CHN1: variants seen among roughly 807,000 people sequenced by gnomAD.
The protein encoded by CHN1 is chimerin 1, also known as N-chimaerin.
In CHN1, 37 loss-of-function variants were observed where a neutral mutation model predicts 59.5. That is an observed-to-expected ratio of 0.62 (90% CI 0.48 to 0.82). The LOEUF is 0.82. CHN1 is among the 40% of genes least tolerant of loss of function. The pLI is 0.00. For synonymous variants in CHN1, 206 were observed against 200.4 expected (o/e 1.03, Z -0.24); for missense variants, 469 against 571.0 (o/e 0.82, Z 1.82).
intron 1 of CHN1, among the ~76,000 whole-genome samples, chr2:174,962,446 C>T (rs922160010): frequency 6.6e-6 from 1 of 152,114 alleles, no homozygotes; most frequent in Non-Finnish European, 1.5e-5. Flanking sequence ...TGATTGCCTT[C>T]AGCTGAAGGT....
At chr2:174,887,203 C>T (rs1013319393) in intron 5 of CHN1, among the ~76,000 whole-genome samples, 2 of 152,006 alleles carry the variant, frequency 1.3e-5, no homozygotes, top group Non-Finnish European at 2.9e-5. Flanking sequence ...AAGCAATAAA[C>T]CATATTTGTA....
At chr2:174,966,326 TACTC>T (rs980867327) in intron 1 of CHN1, among the ~76,000 whole-genome samples, 3 of 151,548 alleles carry the variant, frequency 2.0e-5, no homozygotes, top group African/African-American at 4.9e-5. Context: ...GAACCGTTAA[TACTC>T]AGGAAGAAAA....
At chr2:174,846,161 C>CAA in intron 7 of CHN1, 1 of 1,034,896 alleles carries the variant, frequency 9.7e-7, no homozygotes, top group Non-Finnish European at 1.3e-6. Flanking sequence ...AATTAGATTG[C>CAA]AAAGGACAGA....
intron 9 of CHN1, 129 bp from the exon 10 acceptor site, chr2:174,811,717 T>G: frequency 1.7e-6 from 1 of 574,208 alleles, no homozygotes; most frequent in Non-Finnish European, 3.1e-6. Flanking sequence ...CTTTTCACAC[T>G]CTTCTCCTAG....
intron 7 of CHN1, chr2:174,846,358 G>T (rs1470646311): frequency 4.5e-6 from 7 of 1,549,314 alleles, no homozygotes; most frequent in Middle Eastern, 3.3e-4. Flanking sequence ...AGCTGCTAGT[G>T]TCAGCAGCAT....
At chr2:174,961,437 C>G (rs568419261) in intron 1 of CHN1, among the ~76,000 whole-genome samples, 20 of 151,266 alleles carry the variant, frequency 1.3e-4, no homozygotes, top group Non-Finnish European at 2.5e-4. Context: ...ACTAAAAATA[C>G]AAAATTAGCC....
At chr2:174,955,263 A>C (rs1203426056) in intron 1 of CHN1, among the ~76,000 whole-genome samples, 1 of 150,586 alleles carries the variant, frequency 6.6e-6, no homozygotes, top group Non-Finnish European at 1.5e-5. Context: ...AGACATATAT[A>C]TATACACACC....
At chr2:174,929,722 A>G (rs1437397354) in intron 3 of CHN1, among the ~76,000 whole-genome samples, 2 of 152,220 alleles carry the variant, frequency 1.3e-5, no homozygotes, top group African/African-American at 2.4e-5. Flanking sequence ...ACTTCTTTGT[A>G]TTCACTATTT....
chr2:175,001,922 T>G (rs767913340), intron 1 of CHN1, among the ~76,000 whole-genome samples: 1 of 152,224 alleles, frequency 6.6e-6, no homozygotes, highest in Non-Finnish European at 1.5e-5. Context: ...ATCCCAGTAA[T>G]TACTAGAAAA....
chr2:174,930,251 A>G (rs1329702095), intron 3 of CHN1, among the ~76,000 whole-genome samples: 1 of 152,168 alleles, frequency 6.6e-6, no homozygotes, highest in African/African-American at 2.4e-5. Context: ...AGACACAGAG[A>G]AGGAAACAAA....
chr2:174,966,795 C>T (rs1387685342), intron 1 of CHN1, among the ~76,000 whole-genome samples: 2 of 152,148 alleles, frequency 1.3e-5, no homozygotes, highest in Non-Finnish European at 2.9e-5. Flanking sequence ...GGCATATTTA[C>T]AGAAAGTCCT....
chr2:174,882,550 C>T (rs1293570657), intron 5 of CHN1, among the ~76,000 whole-genome samples: 4 of 152,098 alleles, frequency 2.6e-5, no homozygotes, highest in African/African-American at 2.4e-5. Context: ...TAATTTGAGG[C>T]CAAAGTGATT....
chr2:174,949,200 CT>C (rs11346881), intron 2 of CHN1, among the ~76,000 whole-genome samples: 72,165 of 151,964 alleles, frequency 0.47, 17,890 homozygotes, highest in African/African-American at 0.6. Flanking sequence ...GTAAAACTGT[CT>C]TGAGTGGTAA....
chr2:174,898,025 A>G (rs62183357), intron 5 of CHN1, among the ~76,000 whole-genome samples: 20 of 152,310 alleles, frequency 1.3e-4, no homozygotes, highest in Non-Finnish European at 2.8e-4. Flanking sequence ...TCCCTAGACT[A>G]ACTACTACAT....
intron 6 of CHN1, among the ~76,000 whole-genome samples, chr2:174,852,377 G>C (rs1686762641): frequency 6.6e-6 from 1 of 152,094 alleles, no homozygotes; most frequent in Admixed American, 6.6e-5. Flanking sequence ...TAACCAAGGA[G>C]GTGAAAGATC....
chr2:174,811,325 C>A, intron 10 of CHN1, 186 bp downstream of exon 10: 1 of 508,866 alleles, frequency 2.0e-6, no homozygotes, highest in Non-Finnish European at 3.5e-6. Flanking sequence ...CTTTCATATT[C>A]TGAAATTTGA....
chr2:174,921,152 T>C (rs1294384253), intron 3 of CHN1: 2 of 314,182 alleles, frequency 6.4e-6, no homozygotes, highest in South Asian at 2.8e-5. Flanking sequence ...GCCTGGTTCC[T>C]AACAGGCCAC....
At chr2:174,942,157 G>A (rs1689685919) in intron 3 of CHN1, among the ~76,000 whole-genome samples, 1 of 152,102 alleles carries the variant, frequency 6.6e-6, no homozygotes, top group Non-Finnish European at 1.5e-5. Flanking sequence ...CTCATTACTG[G>A]GGTTATATCC....
chr2:174,981,955 C>T (rs1319273639), intron 1 of CHN1, among the ~76,000 whole-genome samples: 1 of 152,154 alleles, frequency 6.6e-6, no homozygotes, highest in Non-Finnish European at 1.5e-5. Context: ...GCTCCCCCCA[C>T]CCCACGACAG....
Sources: gnomAD v4.1 joint callset for allele counts (sites outside exome capture counted in the v4.1 genomes callset) on GRCh38, gnomAD v4.1.1 for gene constraint, MANE v1.5 for transcripts, NCBI Gene and HGNC (gene_info 2026-07-23, HGNC 2026-07-21) for gene names.